APH1B: variants seen among roughly 807,000 people sequenced by gnomAD.
APH1B encodes aph-1B gamma-secretase subunit.
In APH1B, 27 loss-of-function variants were observed where a neutral mutation model predicts 28.2. That is an observed-to-expected ratio of 0.96 (90% confidence interval 0.70 to 1.32). The LOEUF is 1.32. Among genes scored for constraint, APH1B ranks in the 40% most tolerant of loss-of-function variants. The probability of loss-of-function intolerance (pLI) is 0.00; values close to 1 mark genes in which losing one functional copy is unlikely to be tolerated. For synonymous variants in APH1B, 141 were observed against 124.6 expected, an observed-to-expected ratio of 1.13 and a Z score of -0.88; for missense variants, 305 against 313.6, an observed-to-expected ratio of 0.97 and a Z score of 0.21.
intron 4 of APH1B, among the ~76,000 whole-genome samples, chr15:63,300,932 G>A (rs1335458734): frequency 6.6e-6 from 1 of 152,130 alleles, no homozygotes; most frequent in Non-Finnish European, 1.5e-5. Flanking sequence ...ATCCATTCTG[G>A]TAATGATGGA....
intron 4 of APH1B, among the ~76,000 whole-genome samples, chr15:63,300,837 T>A (rs535520105): frequency 6.6e-6 from 1 of 152,390 alleles, no homozygotes; most frequent in South Asian, 2.1e-4. Context: ...TACGGTTTTC[T>A]TTTCTACATA....
At chr15:63,296,044 A>G (rs1007739335) in intron 4 of APH1B, among the ~76,000 whole-genome samples, 5 of 152,252 alleles carry the variant, frequency 3.3e-5, no homozygotes, top group African/African-American at 4.8e-5. Flanking sequence ...ATCTATATCT[A>G]TATTACAGTA....
chr15:63,301,809 C>T (rs768069206), intron 4 of APH1B, among the ~76,000 whole-genome samples: 2 of 152,140 alleles, frequency 1.3e-5, no homozygotes, highest in Non-Finnish European at 2.9e-5. Context: ...GCTGGGGTTT[C>T]ACCATGTTGG....
At chr15:63,290,732 T>A (rs2038496260) in intron 4 of APH1B, among the ~76,000 whole-genome samples, 1 of 152,168 alleles carries the variant, frequency 6.6e-6, no homozygotes, top group Non-Finnish European at 1.5e-5. Flanking sequence ...TTTTCTCCAG[T>A]TGGGTGCTAA....
At chr15:63,293,217 T>A (rs987859115) in intron 4 of APH1B, among the ~76,000 whole-genome samples, 1 of 151,938 alleles carries the variant, frequency 6.6e-6, no homozygotes, top group Non-Finnish European at 1.5e-5. Flanking sequence ...CAGGCTGGAG[T>A]GCAGTGGTGC....
At chr15:63,291,048 A>C (rs898752003) in intron 4 of APH1B, among the ~76,000 whole-genome samples, 1 of 151,314 alleles carries the variant, frequency 6.6e-6, no homozygotes, top group Non-Finnish European at 1.5e-5. Flanking sequence ...CCTTCCATCT[A>C]ATCTTCAATT....
At chr15:63,279,712 C>G (rs997266086) in intron 2 of APH1B, among the ~76,000 whole-genome samples, 16 of 151,496 alleles carry the variant, frequency 1.1e-4, no homozygotes, top group African/African-American at 3.6e-4. Context: ...TGGAGACAAA[C>G]AAGCTAGGGA....
intron 4 of APH1B, among the ~76,000 whole-genome samples, chr15:63,297,124 A>G (rs2038576710): frequency 6.6e-6 from 1 of 152,276 alleles, no homozygotes; most frequent in African/African-American, 2.4e-5. Context: ...CTTTCTGATT[A>G]ATGTATTACA....
chr15:63,303,787 CT>C (rs578221791), intron 5 of APH1B, among the ~76,000 whole-genome samples: 126 of 152,218 alleles, frequency 8.3e-4, no homozygotes, highest in African/African-American at 2.9e-3. Flanking sequence ...GCCACCACCC[CT>C]GGCTTTCTCA....
chr15:63,301,569 T>A (rs2038627515), intron 4 of APH1B, among the ~76,000 whole-genome samples: 2 of 152,148 alleles, frequency 1.3e-5, no homozygotes, highest in Non-Finnish European at 2.9e-5. Context: ...TTACTGTGAT[T>A]TTAAATATTT....
In APH1B at chr15:63,301,893, G is replaced by C. The variant is rs1485660404; in HGVS notation, c.479-452G>C. 2.0e-5 allele frequency among the ~76,000 whole-genome samples: 3 copies of C among 152,368 alleles called. No individual in the cohort carries two copies. In the East Asian group the frequency reaches 5.8e-4, roughly 29 times the overall value. On this transcript the variant is annotated intron_variant, in intron 4 of 5. Transcript: ENST00000261879. ...CCCAAAGTGCTGGGATTACAGGCAT[G>C]AGCCAGAGCGCCTGGCCATGATTTT...
intron 4 of APH1B, among the ~76,000 whole-genome samples, chr15:63,302,028 C>T (rs767692516): frequency 8.5e-5 from 13 of 152,206 alleles, no homozygotes; most frequent in Non-Finnish European, 1.2e-4. Context: ...TCTCTTTACT[C>T]GTGCAGAAGG....
rs1184250825 is a variant in APH1B at position 63,305,722 on chromosome 15, A to T, written c.715A>T (p.Lys239Ter). 3 of 1,614,100 alleles carry T rather than the reference A, an allele frequency of 1.9e-6. No homozygotes were observed. In the African/African-American group the frequency reaches 4.0e-5, roughly 22 times the overall value. The change falls in exon 6 of 6, where the codon AAA becomes TAA. Residue 239 changes from lysine to a stop codon, truncating the protein, a stop_gained. Transcript: ENST00000261879. LOFTEE classifies it high-confidence loss of function. ...LAAGGSCRSL[K>*]LCLLCQDKNF... ...TGCGGGAGGCAGCTGCCGAAGCCTG[A>T]AACTCTGCCTGCTCTGCCAAGACAA...
intron 5 of APH1B, 117 bp downstream of exon 5, chr15:63,302,589 A>T (rs2038644491): frequency 7.3e-7 from 1 of 1,373,148 alleles, no homozygotes; most frequent in East Asian, 2.5e-5. Context: ...AATTCAGAAA[A>T]GCTATTTAAG....
In APH1B at chr15:63,279,270, G is replaced by T; in HGVS notation, c.223G>T (p.Gly75Ter). Reference sequence around the variant, plus strand: ...AACACAGAAATATCTGCTGATCTTTGGAGCGTTTGTCTCTGTCTATATCCA... The same window carrying T: ...AACACAGAAATATCTGCTGATCTTTTGAGCGTTTGTCTCTGTCTATATCCA... ...GPTQKYLLIF[G>*]AFVSVYIQEM... Residue 75 changes from glycine (G) to a stop codon, truncating the protein, a stop_gained, in exon 2 of 6, where the codon GGA (glycine) becomes TGA (stop). Transcript: ENST00000261879. LOFTEE classifies it high-confidence loss of function. The T allele has an allele frequency of 6.2e-7, 1 of 1,612,018 alleles. No homozygotes were observed.
chr15:63,297,018 T>C (rs2038575426), intron 4 of APH1B, among the ~76,000 whole-genome samples: 2 of 152,232 alleles, frequency 1.3e-5, no homozygotes, highest in African/African-American at 4.8e-5. Flanking sequence ...ACCAAGATAC[T>C]TTGACTTAGA....
chr15:63,302,963 G>A (rs1317951787), intron 5 of APH1B, among the ~76,000 whole-genome samples: 1 of 152,008 alleles, frequency 6.6e-6, no homozygotes. Flanking sequence ...CATAGTAGGT[G>A]GCCAGTAAAT....
intron 4 of APH1B, chr15:63,291,806 T>G (rs2038509221): frequency 6.6e-6 from 1 of 152,220 alleles, no homozygotes; most frequent in Admixed American, 6.5e-5. Context: ...AAAAAGTATT[T>G]GCATGATTGG....
In APH1B at chr15:63,306,926, A is replaced by G. The variant is rs2038693132; in HGVS notation, c.*1145A>G. ...GTGTCTCTGGGTTTTGGTAGCAGAT[A>G]CAGCGTTCCCTTTACAGGAATACCC... is the stretch of plus-strand genomic sequence containing the variant. On this transcript the variant is annotated 3_prime_UTR_variant, in exon 6 of 6. Coordinates refer to ENST00000261879, the MANE Select transcript of APH1B (RefSeq NM_031301.4). The G allele has an allele frequency of 6.6e-6, 1 of 152,254 alleles. No homozygotes were observed. The highest frequency in any genetic ancestry group is 2.4e-5 in the African/African-American group (1 of 41,470). The allele number at this position is 152,254 out of a possible 1,614,324, so 9.4% of individuals were successfully genotyped here.
Sources: allele counts gnomAD v4.1 joint callset (sites outside exome capture counted in the v4.1 genomes callset), GRCh38; gene constraint gnomAD v4.1.1; transcripts MANE v1.5; gene names NCBI Gene and HGNC (gene_info 2026-07-23, HGNC 2026-07-21).